Variants in PPP1R1C observed in about 807,000 individuals in gnomAD.
The protein encoded by PPP1R1C is protein phosphatase 1 regulatory subunit 1C.
In PPP1R1C, 15 loss-of-function variants were observed where a neutral mutation model predicts 17.4. The ratio of observed to expected loss-of-function variants is 0.86; its 90% CI spans 0.58 to 1.33. The LOEUF (loss-of-function observed/expected upper bound fraction) is 1.33. PPP1R1C is among the 40% of genes most tolerant of loss of function. The pLI is 0.00. For synonymous variants in PPP1R1C, 35 were observed against 43.1 expected (o/e 0.81, Z 0.73); for missense variants, 143 against 130.0 (o/e 1.10, Z -0.48).
intron 1 of PPP1R1C, among the ~76,000 whole-genome samples, chr2:181,974,603 A>G (rs1361127709): frequency 6.6e-6 from 1 of 152,194 alleles, no homozygotes; most frequent in East Asian, 1.9e-4. Context: ...CCTTATATAC[A>G]GTGGACCCTT....
At position 182,000,028 on chromosome 2, in the gene PPP1R1C, C is replaced by G. The variant is rs538615180; in HGVS notation, c.142+12129C>G. The stretch of plus-strand genomic sequence containing the variant: ...TCCCTTCCCTTCCATTTTAGTTCTT[C>G]TTGTCCTGTGAGACTCAGATCAAAC... On this transcript the variant is annotated intron_variant, in intron 2 of 4. Transcript: ENST00000682840. 3.9e-5 allele frequency among the ~76,000 whole-genome samples: 6 copies of G among 152,270 alleles called. No individual in the cohort carries two copies. In the South Asian group the frequency reaches 1.2e-3, roughly 32 times the overall value.
At chr2:182,028,112 C>G (rs1318740120) in intron 2 of PPP1R1C, among the ~76,000 whole-genome samples, 1 of 139,422 alleles carries the variant, frequency 7.2e-6, no homozygotes, top group African/African-American at 2.7e-5. Context: ...TTTTTTCTTT[C>G]TTAGTCTTGC....
intron 5 of PPP1R1C, among the ~76,000 whole-genome samples, chr2:182,124,052 A>G (rs149201259): frequency 0.042 from 6,322 of 152,284 alleles, 190 homozygotes; most frequent in Non-Finnish European, 0.061. Context: ...GAAGGGGTCC[A>G]GTTTCAGCTT....
At chr2:181,981,361 T>G (rs1016743369), upstream of PPP1R1C, among the ~76,000 whole-genome samples, 5 of 152,182 alleles carry the variant, frequency 3.3e-5, no homozygotes, top group African/African-American at 1.2e-4. Context: ...GATTTTAATA[T>G]GAGATTGCAA....
chr2:182,126,650 A>G (rs1204328612), intron 5 of PPP1R1C, among the ~76,000 whole-genome samples: 2 of 152,070 alleles, frequency 1.3e-5, no homozygotes, highest in Non-Finnish European at 2.9e-5. Flanking sequence ...AATAATCAAC[A>G]TGAATGATAG....
At chr2:182,110,011 C>T (rs1689369896) in intron 4 of PPP1R1C, among the ~76,000 whole-genome samples, 2 of 152,138 alleles carry the variant, frequency 1.3e-5, no homozygotes, top group African/African-American at 2.4e-5. Context: ...TAGCCTAATC[C>T]GTGCCTTCTC....
Position 182,117,190 on chromosome 2 carries a change from A to G in PPP1R1C, c.242-17A>G, listed in dbSNP as rs1430175915. The stretch of plus-strand genomic sequence containing the variant: ...AATGAAAATCATTTAAATTTTGCAT[A>G]ATTTTTATAATTTCAGGGGTTAAGC... On this transcript the variant is annotated splice_polypyrimidine_tract_variant and intron_variant, in intron 4 of 4. Transcript: ENST00000682840. The G allele has an allele frequency of 1.3e-6, 2 of 1,495,202 alleles. No individual in the cohort carries two copies. The highest frequency in any genetic ancestry group is 9.1e-7 in the Non-Finnish European group (1 of 1,104,166). 92.6% of individuals were successfully genotyped at this position (1,495,202 alleles called of 1,614,324 possible). A position where few individuals can be genotyped will look rare whatever the true frequency, so the allele number is the denominator to read the frequency against.
intron 2 of PPP1R1C, among the ~76,000 whole-genome samples, chr2:182,055,365 C>T (rs2125192046): frequency 6.6e-6 from 1 of 152,304 alleles, no homozygotes; most frequent in African/African-American, 2.4e-5. Flanking sequence ...ACTTGGCAAA[C>T]ATAATGTAGA....
At chr2:182,070,186 T>C (rs1323134718) in intron 4 of PPP1R1C, among the ~76,000 whole-genome samples, 1 of 152,200 alleles carries the variant, frequency 6.6e-6, no homozygotes. Context: ...CATATTTACA[T>C]ATAAGTCTGG....
chr2:181,965,416 G>A (rs966269582), intron 1 of PPP1R1C, among the ~76,000 whole-genome samples: 3 of 152,060 alleles, frequency 2.0e-5, no homozygotes, highest in Non-Finnish European at 4.4e-5. Context: ...TCTTTTAATG[G>A]TTTCATAGTT....
chr2:182,082,983 A>G (rs1574437619), intron 4 of PPP1R1C, among the ~76,000 whole-genome samples: 2 of 152,320 alleles, frequency 1.3e-5, no homozygotes, highest in African/African-American at 4.8e-5. Context: ...GAACACTGTT[A>G]GATATGTATA....
At chr2:182,124,750 C>G (rs1220094978) in intron 5 of PPP1R1C, among the ~76,000 whole-genome samples, 1 of 152,038 alleles carries the variant, frequency 6.6e-6, no homozygotes, top group Non-Finnish European at 1.5e-5. Flanking sequence ...GATTTTGTAT[C>G]CTGAGACTTC....
At chr2:182,023,453 T>C (rs561058251) in intron 2 of PPP1R1C, among the ~76,000 whole-genome samples, 1 of 150,566 alleles carries the variant, frequency 6.6e-6, no homozygotes, top group Non-Finnish European at 1.5e-5. Flanking sequence ...CAATCCAACA[T>C]AAGGACAATT....
At chr2:182,096,066 A>G (rs1240050394) in intron 4 of PPP1R1C, among the ~76,000 whole-genome samples, 1 of 152,154 alleles carries the variant, frequency 6.6e-6, no homozygotes, top group Admixed American at 6.5e-5. Flanking sequence ...AGCATAATAC[A>G]TTTATTTAAA....
intron 1 of PPP1R1C, chr2:181,954,707 A>G (rs555382279): frequency 6.6e-6 from 1 of 152,166 alleles, no homozygotes; most frequent in South Asian, 2.1e-4. Flanking sequence ...CTAAACAGAA[A>G]CAGACTTCCA....
intron 1 of PPP1R1C, among the ~76,000 whole-genome samples, chr2:181,959,021 A>G (rs995459815): frequency 6.6e-6 from 1 of 152,238 alleles, no homozygotes; most frequent in African/African-American, 2.4e-5. Context: ...TAGACTACAC[A>G]TATGTTAAGC....
intron 2 of PPP1R1C, among the ~76,000 whole-genome samples, chr2:182,034,397 G>A (rs561621322): frequency 2.0e-5 from 3 of 152,114 alleles, no homozygotes; most frequent in East Asian, 1.9e-4. Context: ...AAGAGATAGA[G>A]TGTATATTTT....
At chr2:182,123,221 A>G (rs974480763) in intron 5 of PPP1R1C, among the ~76,000 whole-genome samples, 2 of 152,226 alleles carry the variant, frequency 1.3e-5, no homozygotes, top group Non-Finnish European at 2.9e-5. Context: ...CATGGTGTAT[A>G]TGTGCCACAT....
chr2:182,068,737 A>C (rs1408245647), intron 4 of PPP1R1C, among the ~76,000 whole-genome samples: 1 of 152,212 alleles, frequency 6.6e-6, no homozygotes, highest in African/African-American at 2.4e-5. Flanking sequence ...AAGTTGAAAA[A>C]CAAAATGATA....
Sources: allele counts gnomAD v4.1 joint callset (sites outside exome capture counted in the v4.1 genomes callset), GRCh38; gene constraint gnomAD v4.1.1; transcripts MANE v1.5; gene names NCBI Gene and HGNC (gene_info 2026-07-23, HGNC 2026-07-21).